The following XPO7 variants were observed in gnomAD, a reference collection of about 807,000 sequenced individuals.
XPO7 encodes exportin-7.
A neutral mutation model predicts 144.3 loss-of-function variants in XPO7; 21 were observed. The observed-to-expected ratio is 0.15, with a 90% CI of 0.10 to 0.21. The LOEUF (loss-of-function observed/expected upper bound fraction) is 0.21. Among genes scored for constraint, XPO7 ranks in the 10% least tolerant of loss-of-function variants. The probability of loss-of-function intolerance (pLI) is 1.00; values close to 1 mark genes in which losing one functional copy is unlikely to be tolerated. For missense variants in XPO7, 808 were observed against 1,325.8 expected (o/e 0.61, Z 6.06); for synonymous variants, 580 against 499.6 (o/e 1.16, Z -2.15).
chr8:21,947,837 G>A (rs560086142), intron 1 of XPO7, among the ~76,000 whole-genome samples: 1 of 152,294 alleles, frequency 6.6e-6, no homozygotes, highest in Middle Eastern at 3.4e-3. Flanking sequence ...CAGATTACAA[G>A]TCACTAAATA....
At chr8:21,963,957 G>A (rs1481112677) in intron 1 of XPO7, among the ~76,000 whole-genome samples, 2 of 152,110 alleles carry the variant, frequency 1.3e-5, no homozygotes, top group African/African-American at 4.8e-5. Flanking sequence ...TAAAATACTG[G>A]TGTTGCTAGA....
At chr8:21,931,043 C>G (rs1246587737) in intron 1 of XPO7, among the ~76,000 whole-genome samples, 1 of 152,080 alleles carries the variant, frequency 6.6e-6, no homozygotes, top group African/African-American at 2.4e-5. Flanking sequence ...AGGGTTTCAT[C>G]ATGTTGGCCA....
At chr8:21,957,198 C>T (rs981089068) in intron 1 of XPO7, among the ~76,000 whole-genome samples, 1 of 152,008 alleles carries the variant, frequency 6.6e-6, no homozygotes, top group African/African-American at 2.4e-5. Context: ...GCGGCACTCC[C>T]ACTTCATTGA....
Position 21,990,364 on chromosome 8 carries a change from T to C in XPO7, c.1889T>C (p.Leu630Pro), listed in dbSNP as rs764557468. The C allele has an allele frequency of 6.2e-7, 1 of 1,613,830 alleles. No individual in the cohort carries two copies. Among genetic ancestry groups the C allele is most frequent in the Admixed American group, 1.7e-5 (1 of 60,030 alleles). ...TTCACGTACAGTAGCGTAAGGAAGC[T>C]AGTGAAGCTTAGTGCGGTACAGTTC... ...LSIGYSSVRK[L>P]VKLSAVQFML... Residue 630 changes from leucine to proline, a missense_variant, in exon 17 of 28, where the codon CTA becomes CCA. Physicochemically the swap from Leu to Pro is moderately conservative, Grantham distance 98. Around this residue, in one of 5 missense-constraint regions of XPO7, gnomAD observed 416 missense variants for 612.5 expected, o/e 0.68. Transcript: ENST00000252512.
In XPO7 at chr8:21,943,998, G is replaced by A. The variant is rs139152862; in HGVS notation, c.19-22859G>A. On this transcript the variant is annotated intron_variant, in intron 1 of 27. Transcript: ENST00000252512. The stretch of plus-strand genomic sequence containing the variant: ...AAATGTATCTGGAGTTCAACAAAAC[G>A]TTTGATAAAATCTCTCTGAATACCC... 4.6e-5 allele frequency among the ~76,000 whole-genome samples: 7 copies of A among 152,278 alleles called. No homozygotes were observed. In the East Asian group the frequency reaches 7.7e-4, roughly 17 times the overall value.
At chr8:21,976,554 T>C in intron 7 of XPO7, 33 bp downstream of exon 7, 1 of 1,596,500 alleles carries the variant, frequency 6.3e-7, no homozygotes. Flanking sequence ...AAAGGCTGTC[T>C]GTCACTCCCC....
Position 21,989,477 on chromosome 8 carries a change from A to T in XPO7, c.1868+394A>T, listed in dbSNP as rs147720103. On this transcript the variant is annotated intron_variant, in intron 16 of 27. Transcript: ENST00000252512. Reference sequence around the variant, plus strand: ...GATTCCAAGCTTTGTGATTGAAGTGATGACTATGCTTCCTCTTGACTTGAA... The same window carrying T: ...GATTCCAAGCTTTGTGATTGAAGTGTTGACTATGCTTCCTCTTGACTTGAA... Among the ~76,000 whole-genome samples, 18 of 152,322 alleles carry T rather than the reference A, an allele frequency of 1.2e-4. No individual in the cohort carries two copies. The East Asian group carries it at 3.5e-3, about 29-fold the overall frequency.
intron 1 of XPO7, among the ~76,000 whole-genome samples, chr8:21,930,068 A>G (rs906730297): frequency 2.0e-5 from 3 of 152,210 alleles, no homozygotes; most frequent in African/African-American, 7.2e-5. Context: ...TAATGAGTGG[A>G]TGTTTTAGAG....
At chr8:22,003,563 A>T (rs1169008930) in intron 26 of XPO7, among the ~76,000 whole-genome samples, 1 of 152,216 alleles carries the variant, frequency 6.6e-6, no homozygotes. Context: ...CAGTAAGAGA[A>T]ACCTTTCAAG....
intron 1 of XPO7, among the ~76,000 whole-genome samples, chr8:21,934,106 A>G (rs1475402506): frequency 6.6e-6 from 1 of 152,228 alleles, no homozygotes; most frequent in Non-Finnish European, 1.5e-5. Flanking sequence ...CAAAATAGGC[A>G]TGTCCTTGCT....
intron 20 of XPO7, among the ~76,000 whole-genome samples, chr8:21,995,093 T>G (rs533274750): frequency 6.6e-6 from 1 of 151,616 alleles, no homozygotes; most frequent in African/African-American, 2.4e-5. Context: ...AATAAACAGC[T>G]TTTACAAATT....
intron 22 of XPO7, 127 bp downstream of exon 22, chr8:21,998,964 C>A: frequency 7.0e-7 from 1 of 1,436,236 alleles, no homozygotes; most frequent in African/African-American, 1.4e-5. Context: ...TATGCTAATA[C>A]ATGTGCATTA....
chr8:21,987,597 G>A (rs1006373827), intron 14 of XPO7, among the ~76,000 whole-genome samples, 187 bp from the exon 15 acceptor site: 1 of 152,154 alleles, frequency 6.6e-6, no homozygotes, highest in Admixed American at 6.5e-5. Context: ...GGATTGAAAG[G>A]GACCAGTAAG....
At chr8:21,923,035 G>T (rs1174584401) in intron 1 of XPO7, among the ~76,000 whole-genome samples, 1 of 152,174 alleles carries the variant, frequency 6.6e-6, no homozygotes, top group Admixed American at 6.5e-5. Flanking sequence ...AGTGATGGTT[G>T]TTTTTTCAGC....
chr8:21,988,403 T>C (rs1812651652), intron 15 of XPO7: 1 of 157,616 alleles, frequency 6.3e-6, no homozygotes. Context: ...TTTTACGTTA[T>C]ACCCCTTTGG....
Position 21,980,116 on chromosome 8 carries a change from C to A in XPO7, c.870C>A (p.Val290=). The part of the protein sequence containing the change: ...VLSCLVQIAS[V]RRSLFNNAER... ...CCTGCTTGGTACAGATCGCTTCAGT[C>A]AGAAGATCCCTGTTTAACAATGCAG... The change falls in exon 9 of 28, where the codon GTC becomes GTA. Residue 290 remains valine (V), a synonymous_variant. Transcript: ENST00000252512. The A allele has an allele frequency of 1.2e-6, 2 of 1,603,780 alleles. No individual in the cohort carries two copies. The highest frequency in any genetic ancestry group is 1.1e-5 in the South Asian group (1 of 88,876).
chr8:21,960,334 C>T (rs1040485157), intron 1 of XPO7, among the ~76,000 whole-genome samples: 5 of 152,222 alleles, frequency 3.3e-5, no homozygotes, highest in African/African-American at 1.2e-4. Context: ...TCACCTTGCC[C>T]TGCAGCTTTC....
At chr8:22,002,922 A>G (rs530408223) in intron 25 of XPO7, 2 of 225,466 alleles carry the variant, frequency 8.9e-6, no homozygotes, top group East Asian at 2.3e-4. Flanking sequence ...GGTTTTGCTT[A>G]CTGTAATTTT....
At chr8:21,979,365 C>G (rs1393905179) in intron 8 of XPO7, among the ~76,000 whole-genome samples, 1 of 149,450 alleles carries the variant, frequency 6.7e-6, no homozygotes, top group East Asian at 2.0e-4. Flanking sequence ...TTTTTAGGGC[C>G]CAGATGTGAT....
Sources: allele counts gnomAD v4.1 joint callset (sites outside exome capture counted in the v4.1 genomes callset), GRCh38; gene constraint gnomAD v4.1.1; regional missense constraint gnomAD v4.1.1; transcripts MANE v1.5; gene names NCBI Gene and HGNC (gene_info 2026-07-23, HGNC 2026-07-21).